The following EXOC5 variants were observed in gnomAD, a reference collection of about 807,000 sequenced individuals.
The protein encoded by EXOC5 is SEC10-like 1.
In EXOC5, 17 loss-of-function variants were observed where a neutral mutation model predicts 90.8. The observed-to-expected ratio is 0.19, with a 90% CI of 0.13 to 0.28. The LOEUF (loss-of-function observed/expected upper bound fraction) is 0.28. Among genes scored for constraint, EXOC5 ranks in the 10% least tolerant of loss-of-function variants. The pLI is 1.00. For synonymous variants in EXOC5, 260 were observed against 270.0 expected (o/e 0.96, Z 0.36); for missense variants, 569 against 830.6 (o/e 0.69, Z 3.87).
rs1369403622 is a variant in EXOC5, at chr14:57,204,327, T to A, written c.*4282A>T. 6.6e-6 allele frequency: 1 copy of A among 152,126 alleles called. No individual in the cohort carries two copies. Among genetic ancestry groups the A allele is most frequent in the African/African-American group, 2.4e-5 (1 of 41,452 alleles). The allele number at this position is 152,126 out of a possible 1,614,324, so 9.4% of individuals were successfully genotyped here. A position where few individuals can be genotyped will look rare whatever the true frequency, so the allele number is the denominator to read the frequency against. On this transcript the variant is annotated 3_prime_UTR_variant, in exon 18 of 18. Transcript: ENST00000621441. Reference sequence around the variant, plus strand: ...AACAGTTGTTTCCTCCCTAAATTTGTAAAGAGAAATGATTGATCACTGGTA... The same window carrying A: ...AACAGTTGTTTCCTCCCTAAATTTGAAAAGAGAAATGATTGATCACTGGTA...
At chr14:57,242,378 G>A (rs1479979472) in intron 4 of EXOC5, among the ~76,000 whole-genome samples, 1 of 151,524 alleles carries the variant, frequency 6.6e-6, no homozygotes, top group East Asian at 2.0e-4. Context: ...CTGAGTGCTA[G>A]GATCTATGGA....
chr14:57,237,675 G>A (rs1291616967), intron 5 of EXOC5: 3 of 236,650 alleles, frequency 1.3e-5, no homozygotes, highest in African/African-American at 6.9e-5. Flanking sequence ...AGAATCAACT[G>A]CTCTGCATAA....
intron 15 of EXOC5, among the ~76,000 whole-genome samples, chr14:57,214,175 A>C (rs959012426): frequency 1.2e-4 from 19 of 152,118 alleles, no homozygotes; most frequent in African/African-American, 4.6e-4. Context: ...TCCAGCCTAC[A>C]CACATGCCAT....
intron 15 of EXOC5, among the ~76,000 whole-genome samples, chr14:57,212,179 A>G (rs977756864): frequency 2.0e-5 from 3 of 152,192 alleles, no homozygotes; most frequent in African/African-American, 4.8e-5. Flanking sequence ...AAGTGTTTCT[A>G]TATTTACTCT....
At chr14:57,255,180 G>C (rs1394544222) in intron 1 of EXOC5, among the ~76,000 whole-genome samples, 3 of 152,110 alleles carry the variant, frequency 2.0e-5, no homozygotes, top group Non-Finnish European at 2.9e-5. Flanking sequence ...TACCAAGGCT[G>C]ATCCAGCTAC....
intron 13 of EXOC5, among the ~76,000 whole-genome samples, chr14:57,220,977 T>A (rs1309417648): frequency 6.6e-6 from 1 of 152,120 alleles, no homozygotes; most frequent in Non-Finnish European, 1.5e-5. Context: ...TAAGCATGTG[T>A]TAAATGAATG....
chr14:57,238,363 TATATATATATATACACACAC>T (rs1433153125), intron 5 of EXOC5, among the ~76,000 whole-genome samples: 4 of 94,034 alleles, frequency 4.3e-5, no homozygotes, highest in African/African-American at 9.2e-5. Context: ...TATATATATA[TATATATATATATACACACAC>T]ACACACACAC....
chr14:57,260,165 C>A (rs758033473), intron 1 of EXOC5, among the ~76,000 whole-genome samples: 1 of 152,054 alleles, frequency 6.6e-6, no homozygotes, highest in African/African-American at 2.4e-5. Flanking sequence ...AGATTCTTTA[C>A]GTGTTTTCTG....
At chr14:57,214,259 A>AAG (rs1292819407) in intron 15 of EXOC5, among the ~76,000 whole-genome samples, 8 of 151,942 alleles carry the variant, frequency 5.3e-5, no homozygotes, top group African/African-American at 1.9e-4. Context: ...ATCACAGCTG[A>AAG]AGAGGGTTGG....
At chr14:57,224,604 T>A (rs1206583034) in intron 12 of EXOC5, among the ~76,000 whole-genome samples, 1 of 152,006 alleles carries the variant, frequency 6.6e-6, no homozygotes, top group Non-Finnish European at 1.5e-5. Flanking sequence ...CACAAAAAAA[T>A]TCAGGCCCAA....
chr14:57,261,973 T>G (rs1421063249), intron 1 of EXOC5, among the ~76,000 whole-genome samples: 1 of 152,138 alleles, frequency 6.6e-6, no homozygotes, highest in African/African-American at 2.4e-5. Context: ...AACATCACAA[T>G]GTAGGATGGC....
intron 1 of EXOC5, among the ~76,000 whole-genome samples, chr14:57,251,811 C>A (rs911741405): frequency 1.3e-5 from 2 of 151,820 alleles, no homozygotes; most frequent in Admixed American, 6.6e-5. Flanking sequence ...AAGCCTTTAG[C>A]TAAACAGACT....
In EXOC5 at chr14:57,206,668, C is replaced by G. The variant is rs906667078; in HGVS notation, c.*1941G>C. On this transcript the variant is annotated 3_prime_UTR_variant, in exon 18 of 18. Transcript: ENST00000621441. ...TTCACTTACGAATTTTGTCACTGTC[C>G]TATCAACGGACATAATAGAAAATAT... The G allele has an allele frequency of 6.6e-6, 1 of 152,256 alleles. No individual in the cohort carries two copies. The highest frequency in any genetic ancestry group is 1.5e-5 in the Non-Finnish European group (1 of 67,862). 9.4% of individuals were successfully genotyped at this position (152,256 alleles called of 1,614,324 possible). A position where few individuals can be genotyped will look rare whatever the true frequency, so the allele number is the denominator to read the frequency against.
intron 1 of EXOC5, among the ~76,000 whole-genome samples, chr14:57,255,587 T>C (rs1261220190): frequency 6.6e-6 from 1 of 152,126 alleles, no homozygotes; most frequent in Non-Finnish European, 1.5e-5. Flanking sequence ...ATTAAAATGA[T>C]GCACTGATCG....
chr14:57,238,367 TATATATATAC>T (rs1232279731), intron 5 of EXOC5, among the ~76,000 whole-genome samples: 38 of 96,768 alleles, frequency 3.9e-4, no homozygotes, highest in African/African-American at 1.1e-3. Flanking sequence ...TATATATATA[TATATATATAC>T]ACACACACAC....
intron 1 of EXOC5, among the ~76,000 whole-genome samples, chr14:57,248,161 T>C (rs1401985757): frequency 6.6e-6 from 1 of 151,916 alleles, no homozygotes; most frequent in Non-Finnish European, 1.5e-5. Flanking sequence ...ACTCTCAGTA[T>C]TGTTAGAAAT....
At chr14:57,231,945 G>C (rs1217263486) in intron 10 of EXOC5, 9 of 395,446 alleles carry the variant, frequency 2.3e-5, no homozygotes, top group Admixed American at 4.3e-5. Context: ...TAAATTCCTA[G>C]GAAAAGAACT....
chr14:57,205,458 C>G lies in EXOC5; in HGVS notation c.*3151G>C, dbSNP rs1882624204. Reference sequence around the variant, plus strand: ...TCCCAGATGTGAGCTTTGTTAGTCACCAACAAATTATGTACTGACTGAACT... The same window carrying G: ...TCCCAGATGTGAGCTTTGTTAGTCAGCAACAAATTATGTACTGACTGAACT... On this transcript the variant is annotated 3_prime_UTR_variant, in exon 18 of 18. Transcript: ENST00000621441. 1 of 157,222 alleles carries G rather than the reference C, an allele frequency of 6.4e-6. No homozygotes were observed. The highest frequency in any genetic ancestry group is 1.4e-5 in the Non-Finnish European group (1 of 71,630). The allele number at this position is 157,222 out of a possible 1,614,324, so 9.7% of individuals were successfully genotyped here. A position where few individuals can be genotyped will look rare whatever the true frequency, so the allele number is the denominator to read the frequency against.
intron 11 of EXOC5, 22 bp from the exon 12 acceptor site, chr14:57,229,903 T>C (rs374053261): frequency 1.5e-5 from 20 of 1,330,710 alleles, no homozygotes; most frequent in Non-Finnish European, 1.8e-5. Context: ...TAAAGACAAA[T>C]GAAAAAAAGA....
Sources: gnomAD v4.1 joint callset for allele counts (sites outside exome capture counted in the v4.1 genomes callset) on GRCh38, gnomAD v4.1.1 for gene constraint, MANE v1.5 for transcripts, NCBI Gene and HGNC (gene_info 2026-07-23, HGNC 2026-07-21) for gene names.